AUH: variants seen among roughly 807,000 people sequenced by gnomAD.
AUH encodes the protein AU RNA binding methylglutaconyl-CoA hydratase.
AUH carries 29 observed loss-of-function variants against 42.3 expected under a neutral mutation model. The observed-to-expected ratio is 0.69, with a 90% CI of 0.51 to 0.93. The LOEUF (loss-of-function observed/expected upper bound fraction) is 0.93. Among genes scored for constraint, AUH ranks in the 40% least tolerant of loss-of-function variants. The pLI is 0.00. For synonymous variants in AUH, 174 were observed against 166.4 expected (o/e 1.05, Z -0.35); for missense variants, 452 against 438.1 (o/e 1.03, Z -0.28).
intron 3 of AUH, among the ~76,000 whole-genome samples, chr9:91,335,268 GT>G (rs1830614231): frequency 6.6e-6 from 1 of 152,038 alleles, no homozygotes; most frequent in Non-Finnish European, 1.5e-5. Context: ...GGTATTACTA[GT>G]TTTCTATTTC....
At chr9:91,266,377 A>G (rs1290385702) in intron 6 of AUH, among the ~76,000 whole-genome samples, 1 of 151,658 alleles carries the variant, frequency 6.6e-6, no homozygotes, top group African/African-American at 2.4e-5. Context: ...AAATAAATAA[A>G]TAAATAAATA....
rs774487955 is a variant in AUH at position 91,214,112 on chromosome 9, TTTGA to T, written c.*232_*235del. On this transcript the variant is annotated 3_prime_UTR_variant, in exon 10 of 10. Coordinates refer to ENST00000375731, the MANE Select transcript of AUH (RefSeq NM_001698.3). ...AAATATTTAAAAATGTATATCTAAC[TTTGA>T]TTCTGTTTCTGACTATACACTACTA... The T allele has an allele frequency of 1.1e-5, 5 of 449,636 alleles. No homozygotes were observed. Among genetic ancestry groups the T allele is most frequent in the African/African-American group, 3.9e-5 (2 of 50,978 alleles). The allele number at this position is 449,636 out of a possible 1,614,324, so 27.9% of individuals were successfully genotyped here. A position where few individuals can be genotyped will look rare whatever the true frequency, so the allele number is the denominator to read the frequency against.
At chr9:91,280,433 G>C (rs1168195966) in intron 6 of AUH, among the ~76,000 whole-genome samples, 1 of 152,024 alleles carries the variant, frequency 6.6e-6, no homozygotes, top group African/African-American at 2.4e-5. Flanking sequence ...TTCTAAGAGA[G>C]CAAGTTACTA....
At chr9:91,282,852 G>A (rs1392973562) in intron 6 of AUH, among the ~76,000 whole-genome samples, 2 of 152,158 alleles carry the variant, frequency 1.3e-5, no homozygotes, top group Non-Finnish European at 2.9e-5. Context: ...TCCAGGACCA[G>A]ACGGATTCAC....
At chr9:91,215,037 T>C (rs752528283) in intron 9 of AUH, among the ~76,000 whole-genome samples, 37 of 152,216 alleles carry the variant, frequency 2.4e-4, no homozygotes, top group Non-Finnish European at 4.8e-4. Flanking sequence ...TGGCACGTAC[T>C]CATCAATGAC....
intron 4 of AUH, among the ~76,000 whole-genome samples, chr9:91,324,893 T>C (rs1298379516): frequency 6.6e-6 from 1 of 151,776 alleles, no homozygotes; most frequent in African/African-American, 2.4e-5. Flanking sequence ...AGAAATAATA[T>C]AAAATTTTGG....
intron 6 of AUH, among the ~76,000 whole-genome samples, chr9:91,242,925 A>G (rs145447467): frequency 6.6e-6 from 1 of 152,244 alleles, no homozygotes; most frequent in South Asian, 2.1e-4. Context: ...ATTCTTTATC[A>G]AAAGTAGGGC....
At chr9:91,219,054 G>C (rs1169893980) in intron 7 of AUH, 1 of 984,884 alleles carries the variant, frequency 1.0e-6, no homozygotes, top group African/African-American at 1.7e-5. Context: ...GATGACGGCT[G>C]GGTAACCACA....
At chr9:91,341,744 T>G in intron 3 of AUH, among the ~76,000 whole-genome samples, 1 of 152,206 alleles carries the variant, frequency 6.6e-6, no homozygotes, top group African/African-American at 2.4e-5. Flanking sequence ...GGAGCTTATC[T>G]GCGGGGGAGG....
At chr9:91,233,256 G>C (rs531428772) in intron 6 of AUH, among the ~76,000 whole-genome samples, 1 of 152,308 alleles carries the variant, frequency 6.6e-6, no homozygotes, top group South Asian at 2.1e-4. Context: ...TGAGGCAGGA[G>C]GTAGCAAGGA....
At chr9:91,317,297 G>A (rs1829231032) in intron 4 of AUH, among the ~76,000 whole-genome samples, 1 of 152,092 alleles carries the variant, frequency 6.6e-6, no homozygotes, top group Non-Finnish European at 1.5e-5. Flanking sequence ...CCATTTGTGA[G>A]AATCATCTTT....
intron 2 of AUH, 25 bp downstream of exon 2, chr9:91,356,063 C>A (rs374243680): frequency 8.7e-6 from 14 of 1,606,242 alleles, no homozygotes; most frequent in Non-Finnish European, 1.2e-5. Context: ...ATATTAGAAG[C>A]AAACAGTTTA....
At chr9:91,342,774 T>C (rs1023688509) in intron 3 of AUH, 6 of 152,172 alleles carry the variant, frequency 3.9e-5, no homozygotes, top group African/African-American at 1.4e-4. Context: ...CGTGCTCAAA[T>C]GAAAACATTA....
At chr9:91,218,915 CTCAACATCTTCTTATACA>C (rs1282942377) in intron 7 of AUH, 10 of 985,136 alleles carry the variant, frequency 1.0e-5, no homozygotes, top group Non-Finnish European at 1.2e-5. Flanking sequence ...TCTGAAGTAA[CTCAACATCTTCTTATACA>C]TCAACATCTT....
chr9:91,217,187 TA>T, intron 8 of AUH, 89 bp downstream of exon 8: 59 of 1,374,352 alleles, frequency 4.3e-5, no homozygotes, highest in Middle Eastern at 1.8e-4. Context: ...TTTAGAACTT[TA>T]AAAAAAATGT....
chr9:91,353,376 C>T (rs1406167174), intron 3 of AUH, among the ~76,000 whole-genome samples: 2 of 152,036 alleles, frequency 1.3e-5, no homozygotes, highest in Admixed American at 6.6e-5. Flanking sequence ...TGAGCCACCG[C>T]GCCCAGCAGA....
chr9:91,289,977 C>T (rs1211128701), intron 6 of AUH, among the ~76,000 whole-genome samples: 1 of 152,072 alleles, frequency 6.6e-6, no homozygotes, highest in African/African-American at 2.4e-5. Flanking sequence ...AATGTGAATA[C>T]TATTGAAATT....
chr9:91,305,891 C>T (rs1374904803), intron 4 of AUH, among the ~76,000 whole-genome samples: 1 of 152,174 alleles, frequency 6.6e-6, no homozygotes, highest in East Asian at 1.9e-4. Context: ...AGATCCCCAA[C>T]ACCGTAAGCC....
chr9:91,271,328 T>C (rs1056903808), intron 6 of AUH, among the ~76,000 whole-genome samples: 1 of 152,248 alleles, frequency 6.6e-6, no homozygotes, highest in Non-Finnish European at 1.5e-5. Flanking sequence ...AATTAATACA[T>C]GCAGCTGGTG....
Sources: gnomAD v4.1 joint callset for allele counts (sites outside exome capture counted in the v4.1 genomes callset) on GRCh38, gnomAD v4.1.1 for gene constraint, MANE v1.5 for transcripts, NCBI Gene and HGNC (gene_info 2026-07-23, HGNC 2026-07-21) for gene names.